CCT6B: variants seen among roughly 807,000 people sequenced by gnomAD.
CCT6B encodes the protein probable T-complex protein 1 subunit zeta-2.
CCT6B carries 49 observed loss-of-function variants against 61.5 expected under a neutral mutation model. The observed-to-expected ratio is 0.80, with a 90% CI of 0.63 to 1.01. The LOEUF is 1.01. Ranked by LOEUF, CCT6B falls within the 50% of genes least tolerant of loss-of-function variation. The pLI, the probability that CCT6B is intolerant of heterozygous loss-of-function variation, is 0.00. For synonymous variants in CCT6B, 228 were observed against 214.5 expected (o/e 1.06, Z -0.55); for missense variants, 666 against 634.7 (o/e 1.05, Z -0.53).
chr17:34,960,442 T>C (rs909999031), intron 1 of CCT6B, among the ~76,000 whole-genome samples: 1 of 152,222 alleles, frequency 6.6e-6, no homozygotes, highest in Non-Finnish European at 1.5e-5. Context: ...TTCCAACTAG[T>C]GAAGTCTTAT....
intron 10 of CCT6B, among the ~76,000 whole-genome samples, chr17:34,935,781 T>C (rs1362142994): frequency 6.6e-6 from 1 of 151,454 alleles, no homozygotes; most frequent in Non-Finnish European, 1.5e-5. Context: ...CGCTTGAACC[T>C]GGGAAGCAGA....
chr17:34,933,010 G>A (rs2090054059), intron 10 of CCT6B, among the ~76,000 whole-genome samples: 1 of 152,082 alleles, frequency 6.6e-6, no homozygotes, highest in African/African-American at 2.4e-5. Context: ...TTGAACTCCT[G>A]ACTTCAAGTG....
At chr17:34,940,440 G>A (rs1378961863) in intron 8 of CCT6B, 99 bp downstream of exon 8, 7 of 670,176 alleles carry the variant, frequency 1.0e-5, no homozygotes, top group Non-Finnish European at 1.8e-5. Flanking sequence ...CCACTGTTTT[G>A]TTCAACAACA....
At chr17:34,929,074 T>C (rs772697248) in intron 12 of CCT6B, 40 bp from the exon 13 acceptor site, 1 of 1,229,900 alleles carries the variant, frequency 8.1e-7, no homozygotes, top group African/African-American at 1.5e-5. Context: ...AATCTTAGTA[T>C]TTGCTATTAA....
In CCT6B at chr17:34,958,634, T is replaced by C; in HGVS notation, c.262A>G (p.Thr88Ala). The C allele has an allele frequency of 1.2e-6, 2 of 1,606,398 alleles. No homozygotes were observed. The highest frequency in any genetic ancestry group is 1.7e-6 in the Non-Finnish European group (2 of 1,176,066). ...ACATTTGAAGTAGTACCATCTCCTG[T>C]GACGTCATCCTGAGCTGTTGCTACT... ...AKVATAQDDV[T>A]GDGTTSNVLI... is the part of the protein sequence containing the mutation. The change falls in exon 3 of 14, where the codon ACA (threonine) becomes GCA (alanine). Residue 88 changes from threonine (T) to alanine (A), a missense_variant. Thr to Ala is a moderately conservative substitution (Grantham distance 58). Coordinates refer to ENST00000314144, the MANE Select transcript of CCT6B (RefSeq NM_006584.4).
chr17:34,932,882 A>G (rs2090052346), intron 10 of CCT6B, among the ~76,000 whole-genome samples: 1 of 152,070 alleles, frequency 6.6e-6, no homozygotes, highest in South Asian at 2.1e-4. Context: ...TCCAGGTTCA[A>G]GTGATCCTCC....
chr17:34,942,662 C>A lies in CCT6B; in HGVS notation c.726-19G>T. 1 of 1,565,642 alleles carries A rather than the reference C, an allele frequency of 6.4e-7. No homozygotes were observed. The highest frequency in any genetic ancestry group is 1.4e-5 in the African/African-American group (1 of 72,108). On this transcript the variant is annotated intron_variant, in intron 6 of 13. Coordinates refer to ENST00000314144, the MANE Select transcript of CCT6B (RefSeq NM_006584.4). ...CACCTCTCTAAAAGATTAATAAAAA[C>A]CAGCTAGTAAAGGCAGGAGGAAAAA... is the stretch of plus-strand genomic sequence containing the variant.
rs113569875 is a variant in CCT6B at position 34,954,210 on chromosome 17, G to A, written c.510+216C>T. On this transcript the variant is annotated intron_variant, in intron 4 of 13. Transcript: ENST00000314144. The stretch of plus-strand genomic sequence containing the variant: ...AAACCTCTCCCACCTTTCAAGTCAC[G>A]TTTAAAAAAAGGCCTAGTATGATAC... Among the ~76,000 whole-genome samples, 127 of 151,942 alleles carry A rather than the reference G, an allele frequency of 8.4e-4. 1 individual carries two copies. The highest frequency in any genetic ancestry group is 2.7e-3 in the African/African-American group (110 of 41,434).
chr17:34,954,860 G>A (rs2090331465), intron 3 of CCT6B, among the ~76,000 whole-genome samples: 1 of 152,136 alleles, frequency 6.6e-6, no homozygotes, highest in Non-Finnish European at 1.5e-5. Context: ...GTTATGTGGT[G>A]CCCTTCTGAA....
At chr17:34,928,206 G>T in intron 13 of CCT6B, 89 bp from the exon 14 acceptor site, 1 of 695,150 alleles carries the variant, frequency 1.4e-6, no homozygotes, top group South Asian at 2.0e-5. Context: ...AGGGTACTTT[G>T]TTCTTTAATG....
At chr17:34,936,789 T>C (rs900093790) in intron 10 of CCT6B, among the ~76,000 whole-genome samples, 2 of 152,156 alleles carry the variant, frequency 1.3e-5, no homozygotes, top group Admixed American at 6.6e-5. Context: ...ATAGATAAGA[T>C]GATATTCATG....
chr17:34,944,913 G>C (rs544655499), intron 5 of CCT6B, among the ~76,000 whole-genome samples: 1 of 152,170 alleles, frequency 6.6e-6, no homozygotes, highest in African/African-American at 2.4e-5. Context: ...GCGACAGAGC[G>C]AGACTCCGTC....
intron 1 of CCT6B, among the ~76,000 whole-genome samples, chr17:34,961,043 G>A (rs999223770): frequency 2.6e-5 from 4 of 152,190 alleles, no homozygotes; most frequent in African/African-American, 7.2e-5. Context: ...GGGGGTCGGG[G>A]AAGCGCCACA....
chr17:34,939,769 T>C, intron 8 of CCT6B, 56 bp from the exon 9 acceptor site: 1 of 1,082,308 alleles, frequency 9.2e-7, no homozygotes, highest in Non-Finnish European at 1.4e-6. Flanking sequence ...AATACTAATT[T>C]CTCAGAGAGA....
At chr17:34,931,610 A>T (rs745433767) in intron 11 of CCT6B, among the ~76,000 whole-genome samples, 4 of 152,164 alleles carry the variant, frequency 2.6e-5, no homozygotes, top group Non-Finnish European at 5.9e-5. Flanking sequence ...TGTAATGTGT[A>T]CTGGGGTTAC....
At chr17:34,947,016 T>A (rs769656978) in intron 5 of CCT6B, among the ~76,000 whole-genome samples, 1 of 152,236 alleles carries the variant, frequency 6.6e-6, no homozygotes, top group African/African-American at 2.4e-5. Context: ...CATTTTTCAG[T>A]GTGTGTTACA....
chr17:34,952,922 GC>G (rs2090308304), intron 4 of CCT6B, among the ~76,000 whole-genome samples: 1 of 152,126 alleles, frequency 6.6e-6, no homozygotes, highest in South Asian at 2.1e-4. Context: ...CAGAATGGGT[GC>G]CCTAGCAGCA....
chr17:34,960,129 G>A (rs573364497), intron 1 of CCT6B, among the ~76,000 whole-genome samples: 2 of 152,180 alleles, frequency 1.3e-5, no homozygotes, highest in East Asian at 1.9e-4. Context: ...GATGGCATCC[G>A]GATATCTCCA....
Position 34,942,663 on chromosome 17 carries a change from C to G in CCT6B, c.726-20G>C, listed in dbSNP as rs766191741. ...ACCTCTCTAAAAGATTAATAAAAACCAGCTAGTAAAGGCAGGAGGAAAAAG... is the reference window on the plus strand; with the variant it reads ...ACCTCTCTAAAAGATTAATAAAAACGAGCTAGTAAAGGCAGGAGGAAAAAG... On this transcript the variant is annotated intron_variant, in intron 6 of 13. Transcript: ENST00000314144. 1 of 1,565,242 alleles carries G rather than the reference C, an allele frequency of 6.4e-7. No homozygotes were observed. The highest frequency in any genetic ancestry group is 1.2e-5 in the South Asian group (1 of 83,076).
Sources: gnomAD v4.1 joint callset for allele counts (sites outside exome capture counted in the v4.1 genomes callset) on GRCh38, gnomAD v4.1.1 for gene constraint, MANE v1.5 for transcripts, NCBI Gene and HGNC (gene_info 2026-07-23, HGNC 2026-07-21) for gene names.